Variants in PAM observed in about 807,000 individuals in gnomAD.
PAM encodes the protein peptidyl-glycine alpha-amidating monooxygenase.
A neutral mutation model predicts 122.1 loss-of-function variants in PAM; 72 were observed. The observed-to-expected ratio is 0.59, with a 90% CI of 0.49 to 0.72. PAM has a LOEUF of 0.72. Ranked by LOEUF, PAM falls within the 30% of genes least tolerant of loss-of-function variation. The pLI is 0.00. For missense variants in PAM, 1,106 were observed against 1,183.7 expected (o/e 0.93, Z 0.96); for synonymous variants, 389 against 404.4 (o/e 0.96, Z 0.46).
At chr5:102,922,415 A>C (rs1389834646) in intron 5 of PAM, among the ~76,000 whole-genome samples, 2 of 152,164 alleles carry the variant, frequency 1.3e-5, no homozygotes, top group African/African-American at 4.8e-5. Flanking sequence ...GAGCAATGGA[A>C]ATAAGGAAGA....
At chr5:103,014,506 T>C (rs1168340978) in intron 21 of PAM, among the ~76,000 whole-genome samples, 1 of 152,204 alleles carries the variant, frequency 6.6e-6, no homozygotes, top group Non-Finnish European at 1.5e-5. Context: ...CTCAGAATTT[T>C]CATTAAATAG....
chr5:102,846,418 C>T (rs1399166011), intron 1 of PAM, among the ~76,000 whole-genome samples: 2 of 152,114 alleles, frequency 1.3e-5, no homozygotes, highest in African/African-American at 4.8e-5. Context: ...TTTAAAAACT[C>T]AACTTGCTGT....
chr5:102,827,478 C>A (rs954678903), intron 1 of PAM, among the ~76,000 whole-genome samples: 1 of 151,976 alleles, frequency 6.6e-6, no homozygotes, highest in Non-Finnish European at 1.5e-5. Flanking sequence ...CTAATATTTT[C>A]TTCTGTTTTT....
chr5:102,940,389 G>T (rs1190065268), intron 7 of PAM, among the ~76,000 whole-genome samples: 1 of 149,878 alleles, frequency 6.7e-6, no homozygotes, highest in African/African-American at 2.4e-5. Flanking sequence ...GATAATAATT[G>T]GGACAACGCA....
chr5:102,816,276 T>C (rs1447415741), intron 1 of PAM, among the ~76,000 whole-genome samples: 6 of 152,276 alleles, frequency 3.9e-5, no homozygotes, highest in African/African-American at 1.4e-4. Context: ...TGGACACACA[T>C]TTTAATTCTT....
intron 1 of PAM, among the ~76,000 whole-genome samples, chr5:102,776,283 G>T (rs1053102254): frequency 1.3e-5 from 2 of 151,968 alleles, no homozygotes; most frequent in Non-Finnish European, 2.9e-5. Flanking sequence ...CATTCCGTAG[G>T]TTATCTTTTC....
rs373099469 is a variant in PAM, at chr5:102,914,045, T to C, written c.356+24T>C. ...TGGTAAGGATAATGGGTTTACAGTA[T>C]AGAAGGGTGTAGAAAATGTGTTTTA... On this transcript the variant is annotated intron_variant, in intron 5 of 25. Coordinates refer to ENST00000438793, the MANE Select transcript of PAM (RefSeq NM_001177306.2). 11 of 1,218,110 alleles carry C rather than the reference T, an allele frequency of 9.0e-6. No individual in the cohort carries two copies. The African/African-American group carries it at 1.2e-4, about 13-fold the overall frequency. 75.5% of individuals were successfully genotyped at this position (1,218,110 alleles called of 1,614,324 possible).
intron 4 of PAM, among the ~76,000 whole-genome samples, chr5:102,908,581 G>C (rs184786719): frequency 4.1e-5 from 6 of 145,334 alleles, no homozygotes; most frequent in African/African-American, 1.0e-4. Context: ...GTGTGGGGAG[G>C]GGGGAGGGAT....
intron 7 of PAM, among the ~76,000 whole-genome samples, chr5:102,934,712 A>G (rs1021321403): frequency 1.3e-5 from 2 of 152,124 alleles, no homozygotes; most frequent in Non-Finnish European, 2.9e-5. Flanking sequence ...GTACTCTATC[A>G]CCTTTGTGAA....
At chr5:102,872,099 G>A (rs950082058) in intron 3 of PAM, among the ~76,000 whole-genome samples, 4 of 152,094 alleles carry the variant, frequency 2.6e-5, no homozygotes, top group Admixed American at 1.3e-4. Flanking sequence ...GTGATGATTT[G>A]AGAACTGTGA....
intron 1 of PAM, among the ~76,000 whole-genome samples, chr5:102,822,605 CATT>C: frequency 6.6e-6 from 1 of 151,900 alleles, no homozygotes; most frequent in East Asian, 1.9e-4. Context: ...TTGAAGGAAA[CATT>C]ATTTGAGGAC....
intron 7 of PAM, among the ~76,000 whole-genome samples, chr5:102,934,395 C>T (rs771924513): frequency 6.6e-6 from 1 of 152,158 alleles, no homozygotes; most frequent in Non-Finnish European, 1.5e-5. Context: ...TTTCCAAGTT[C>T]TCAGCTCCAG....
At chr5:103,003,605 T>A (rs1778061636) in intron 17 of PAM, among the ~76,000 whole-genome samples, 1 of 152,146 alleles carries the variant, frequency 6.6e-6, no homozygotes, top group Non-Finnish European at 1.5e-5. Context: ...CTTTAAAAAA[T>A]TAGATTTAGA....
rs1554134180 is a variant in PAM at position 102,950,416 on chromosome 5, G to GGTGTGTGTGTGTGTGT, written c.802-292_802-277dup. 5.6e-3 allele frequency among the ~76,000 whole-genome samples: 823 copies of GGTGTGTGTGTGTGTGT among 146,058 alleles called. 7 individuals are homozygous for GGTGTGTGTGTGTGTGT. The highest frequency in any genetic ancestry group is 0.018 in the African/African-American group (720 of 39,008). ...CAGTGATTATTTGTGTATGTGGGTG[G>GGTGTGTGTGTGTGTGT]GTGTGTGTGTGTGTGTGTGTGTGTC... On this transcript the variant is annotated intron_variant, in intron 11 of 25. Transcript: ENST00000438793.
chr5:102,854,130 A>G (rs901326647), intron 1 of PAM, among the ~76,000 whole-genome samples: 6 of 152,200 alleles, frequency 3.9e-5, no homozygotes, highest in Non-Finnish European at 8.8e-5. Context: ...GCTCATCTGT[A>G]AAATGTAGAT....
At chr5:102,949,083 T>A (rs1421253080) in intron 9 of PAM, among the ~76,000 whole-genome samples, 3 of 152,142 alleles carry the variant, frequency 2.0e-5, no homozygotes, top group Admixed American at 2.0e-4. Flanking sequence ...AAATGAATAT[T>A]TATTGAATAG....
Position 102,914,005 on chromosome 5 carries a change from T to C in PAM, c.340T>C (p.Ser114Pro), listed in dbSNP as rs774193853. 5.1e-6 allele frequency: 8 copies of C among 1,580,580 alleles called. No homozygotes were observed. Among genetic ancestry groups the C allele is most frequent in the Non-Finnish European group, 6.1e-6 (7 of 1,149,762 alleles). ...MLLFGCNMPS[S>P]TGSYWFCDEG... is the part of the protein sequence containing the mutation. ...ACTTTTTGGATGCAATATGCCTTCA[T>C]CCACTGGAAGTTACTGGTAAGGATA... is the stretch of plus-strand genomic sequence containing the variant. The change falls in exon 5 of 26, where the codon TCC becomes CCC. Residue 114 changes from serine (S) to proline (P), a missense_variant. Coordinates refer to ENST00000438793, the MANE Select transcript of PAM (RefSeq NM_001177306.2).
In PAM at chr5:102,948,364, A is replaced by G. The variant is rs182339803; in HGVS notation, c.576-14A>G. 2,223 of 1,516,242 alleles carry G rather than the reference A, an allele frequency of 1.5e-3. 22 individuals are homozygous for G. In the African/African-American group the frequency reaches 0.021, roughly 14 times the overall value. 93.9% of individuals were successfully genotyped at this position (1,516,242 alleles called of 1,614,324 possible). A position where few individuals can be genotyped will look rare whatever the true frequency, so the allele number is the denominator to read the frequency against. On this transcript the variant is annotated splice_polypyrimidine_tract_variant and intron_variant, in intron 8 of 25. Transcript: ENST00000438793. ...TTTTCAGGTATTTTAGAAAAATGTTATTTTTTTCTGCAGACAGCCTTTAAT... is the reference window on the plus strand; with the variant it reads ...TTTTCAGGTATTTTAGAAAAATGTTGTTTTTTTCTGCAGACAGCCTTTAAT...
intron 1 of PAM, among the ~76,000 whole-genome samples, chr5:102,809,423 G>A (rs1767237594): frequency 6.6e-6 from 1 of 150,954 alleles, no homozygotes; most frequent in Non-Finnish European, 1.5e-5. Flanking sequence ...GTAGATAACA[G>A]CAGTTTCTAA....
Sources: gnomAD v4.1 joint callset for allele counts (sites outside exome capture counted in the v4.1 genomes callset) on GRCh38, gnomAD v4.1.1 for gene constraint, MANE v1.5 for transcripts, NCBI Gene and HGNC (gene_info 2026-07-23, HGNC 2026-07-21) for gene names.